TRPS1: variants seen among roughly 807,000 people sequenced by gnomAD.
TRPS1 encodes zinc finger transcription factor Trps1.
TRPS1 carries 6 observed loss-of-function variants against 101.2 expected under a neutral mutation model. The ratio of observed to expected loss-of-function variants is 0.06; its 90% CI spans 0.03 to 0.12. The LOEUF (loss-of-function observed/expected upper bound fraction) is 0.12. Ranked by LOEUF, TRPS1 falls within the 10% of genes least tolerant of loss-of-function variation. The pLI, the probability that TRPS1 is intolerant of heterozygous loss-of-function variation, is 1.00. For missense variants in TRPS1, 1,363 were observed against 1,567.0 expected, an observed-to-expected ratio of 0.87 and a Z score of 2.20; for synonymous variants, 578 against 589.8, an observed-to-expected ratio of 0.98 and a Z score of 0.29.
intron 5 of TRPS1, among the ~76,000 whole-genome samples, chr8:115,573,218 A>C (rs1308246401): frequency 6.6e-6 from 1 of 152,144 alleles, no homozygotes; most frequent in Non-Finnish European, 1.5e-5. Flanking sequence ...GCCATTCACT[A>C]GCTGGGTGAC....
intron 4 of TRPS1, among the ~76,000 whole-genome samples, chr8:115,597,094 T>C (rs1586440941): frequency 6.6e-6 from 1 of 152,052 alleles, no homozygotes; most frequent in East Asian, 1.9e-4. Context: ...GTTTTGGTTG[T>C]TTTGTTCTTT....
At chr8:115,492,567 TA>T (rs1228413503) in intron 5 of TRPS1, among the ~76,000 whole-genome samples, 1 of 152,104 alleles carries the variant, frequency 6.6e-6, no homozygotes, top group African/African-American at 2.4e-5. Flanking sequence ...ATTGTCATTC[TA>T]GTTTATAGAT....
intron 5 of TRPS1, among the ~76,000 whole-genome samples, chr8:115,562,568 G>A (rs1456493639): frequency 6.7e-6 from 1 of 150,318 alleles, no homozygotes; most frequent in African/African-American, 2.4e-5. Context: ...GGGAAAAAAT[G>A]TTGTTGAATT....
intron 3 of TRPS1, among the ~76,000 whole-genome samples, chr8:115,607,462 A>T (rs563068960): frequency 1.5e-4 from 23 of 151,786 alleles, no homozygotes; most frequent in African/African-American, 5.5e-4. Context: ...AAATGTGCCA[A>T]CTTCATTATT....
chr8:115,572,583 A>G (rs1483937347), intron 5 of TRPS1, among the ~76,000 whole-genome samples: 1 of 152,176 alleles, frequency 6.6e-6, no homozygotes, highest in Admixed American at 6.5e-5. Context: ...ATCAGTGTCT[A>G]TAGCTTAGTC....
At chr8:115,613,300 C>T (rs1818210507) in intron 3 of TRPS1, among the ~76,000 whole-genome samples, 1 of 152,146 alleles carries the variant, frequency 6.6e-6, no homozygotes, top group South Asian at 2.1e-4. Flanking sequence ...TTTCTTTTTA[C>T]TGATTTCGAA....
intron 5 of TRPS1, among the ~76,000 whole-genome samples, chr8:115,478,631 C>T (rs1483843728): frequency 2.0e-5 from 3 of 151,924 alleles, no homozygotes; most frequent in East Asian, 3.9e-4. Flanking sequence ...TGGTGAAACC[C>T]CATCTGTCCT....
At chr8:115,484,958 C>T (rs563484754) in intron 5 of TRPS1, among the ~76,000 whole-genome samples, 5 of 152,286 alleles carry the variant, frequency 3.3e-5, no homozygotes, top group African/African-American at 1.2e-4. Context: ...GTAAGATGAC[C>T]TCCAAGATTC....
chr8:115,431,803 G>A lies in TRPS1; in HGVS notation c.2701-13351C>T, dbSNP rs568393853. ...ATTATAAATAAAGTTGACTCACTTG[G>A]GTTTATACAGACCCAGACATAGAAA... On this transcript the variant is annotated intron_variant, in intron 5 of 6. Coordinates refer to ENST00000395715, the MANE Select transcript of TRPS1 (RefSeq NM_014112.5). 2.0e-5 allele frequency among the ~76,000 whole-genome samples: 3 copies of A among 151,852 alleles called. No homozygotes were observed. In the South Asian group the frequency reaches 6.2e-4, roughly 31 times the overall value.
chr8:115,623,657 T>C lies in TRPS1; in HGVS notation c.-20A>G, dbSNP rs772479627. ...AGGCATGTGGCTTTAGAGTGCTTTTTACAATTATTAATTCTATTAGTCAAC... is the reference window on the plus strand; with the variant it reads ...AGGCATGTGGCTTTAGAGTGCTTTTCACAATTATTAATTCTATTAGTCAAC... On this transcript the variant is annotated 5_prime_UTR_variant, in exon 2 of 7. Coordinates refer to ENST00000395715, the MANE Select transcript of TRPS1 (RefSeq NM_014112.5). 3.1e-6 allele frequency: 5 copies of C among 1,611,024 alleles called. No homozygotes were observed. Among genetic ancestry groups the C allele is most frequent in the Non-Finnish European group, 2.5e-6 (3 of 1,178,536 alleles).
At chr8:115,606,423 C>T (rs890745346) in intron 3 of TRPS1, among the ~76,000 whole-genome samples, 1 of 152,154 alleles carries the variant, frequency 6.6e-6, no homozygotes, top group South Asian at 2.1e-4. Flanking sequence ...TCAACATTTA[C>T]TGTACATTAA....
At chr8:115,580,030 G>A (rs1445821387) in intron 5 of TRPS1, among the ~76,000 whole-genome samples, 3 of 151,924 alleles carry the variant, frequency 2.0e-5, no homozygotes, top group Admixed American at 1.3e-4. Context: ...TCTATAAGTA[G>A]TATTGCTTCT....
At chr8:115,601,123 T>G (rs1020997635) in intron 4 of TRPS1, among the ~76,000 whole-genome samples, 2 of 152,182 alleles carry the variant, frequency 1.3e-5, no homozygotes, top group Non-Finnish European at 2.9e-5. Flanking sequence ...TATAGCTAAA[T>G]GATTTCACAT....
intron 5 of TRPS1, among the ~76,000 whole-genome samples, chr8:115,455,538 C>T (rs1441394977): frequency 6.6e-6 from 1 of 152,082 alleles, no homozygotes; most frequent in Non-Finnish European, 1.5e-5. Context: ...TGGACTCACG[C>T]AGTTAAGACA....
At chr8:115,511,638 A>G (rs2130187693) in intron 5 of TRPS1, among the ~76,000 whole-genome samples, 1 of 152,050 alleles carries the variant, frequency 6.6e-6, no homozygotes, top group East Asian at 1.9e-4. Context: ...GACCTGACAA[A>G]GATCTGACAT....
intron 5 of TRPS1, among the ~76,000 whole-genome samples, chr8:115,445,152 C>G (rs530915652): frequency 6.6e-6 from 1 of 152,248 alleles, no homozygotes; most frequent in Admixed American, 6.5e-5. Flanking sequence ...ACACTCCCAG[C>G]TCAGTGCACT....
At chr8:115,493,640 C>T (rs1417529117) in intron 5 of TRPS1, among the ~76,000 whole-genome samples, 5 of 152,120 alleles carry the variant, frequency 3.3e-5, no homozygotes, top group African/African-American at 9.7e-5. Context: ...TGAGCCACCA[C>T]GCCCCGCCTA....
intron 5 of TRPS1, among the ~76,000 whole-genome samples, chr8:115,442,093 A>T (rs1813613355): frequency 6.6e-6 from 1 of 152,206 alleles, no homozygotes; most frequent in Non-Finnish European, 1.5e-5. Flanking sequence ...TGGATCCCTG[A>T]TACTTTAGCT....
chr8:115,539,207 A>G (rs1586380852), intron 5 of TRPS1, among the ~76,000 whole-genome samples: 1 of 152,346 alleles, frequency 6.6e-6, no homozygotes, highest in South Asian at 2.1e-4. Flanking sequence ...GAGACCTATC[A>G]GTAAAGACAT....
Sources: gnomAD v4.1 joint callset for allele counts (sites outside exome capture counted in the v4.1 genomes callset) on GRCh38, gnomAD v4.1.1 for gene constraint, MANE v1.5 for transcripts, NCBI Gene and HGNC (gene_info 2026-07-23, HGNC 2026-07-21) for gene names.